NCAM2: variants seen among roughly 807,000 people sequenced by gnomAD.
NCAM2 encodes the protein neural cell adhesion molecule 2, also known as N-CAM-2.
In NCAM2, 30 loss-of-function variants were observed where a neutral mutation model predicts 98.1. The observed-to-expected ratio is 0.31, with a 90% CI of 0.23 to 0.41. The LOEUF is 0.41. NCAM2 is among the 10% of genes least tolerant of loss of function. The pLI is 1.00. For synonymous variants in NCAM2, 368 were observed against 342.4 expected (o/e 1.07, Z -0.83); for missense variants, 867 against 1,005.8 (o/e 0.86, Z 1.87).
intron 5 of NCAM2, among the ~76,000 whole-genome samples, chr21:21,298,594 GATA>G (rs2073581219): frequency 2.2e-5 from 1 of 46,434 alleles, no homozygotes; most frequent in Admixed American, 2.4e-4. Context: ...GATACAGATA[GATA>G]GATAGATAGA....
At chr21:21,014,117 G>A (rs940008609) in intron 1 of NCAM2, among the ~76,000 whole-genome samples, 1 of 152,174 alleles carries the variant, frequency 6.6e-6, no homozygotes, top group Non-Finnish European at 1.5e-5. Context: ...TGAAGGCAAT[G>A]CCCATTTGCT....
chr21:21,266,263 C>G (rs1302980215), intron 1 of NCAM2, among the ~76,000 whole-genome samples: 3 of 151,942 alleles, frequency 2.0e-5, no homozygotes, highest in Non-Finnish European at 4.4e-5. Flanking sequence ...TTTACTCATT[C>G]AACTAATTCA....
At chr21:21,217,162 A>G (rs1036219278) in intron 1 of NCAM2, among the ~76,000 whole-genome samples, 9 of 152,200 alleles carry the variant, frequency 5.9e-5, no homozygotes, top group Non-Finnish European at 1.3e-4. Flanking sequence ...CAGTCAGACA[A>G]GAAGTAAACA....
At chr21:21,234,440 A>G (rs1295245862) in intron 1 of NCAM2, among the ~76,000 whole-genome samples, 1 of 152,020 alleles carries the variant, frequency 6.6e-6, no homozygotes, top group East Asian at 1.9e-4. Flanking sequence ...ATACACTTAC[A>G]TTTTAATTAA....
At chr21:21,121,746 A>G (rs548030733) in intron 1 of NCAM2, among the ~76,000 whole-genome samples, 4 of 152,364 alleles carry the variant, frequency 2.6e-5, no homozygotes, top group African/African-American at 9.6e-5. Flanking sequence ...AAAAGGCTAT[A>G]TATAGGCTGA....
chr21:21,022,395 T>C (rs1029373057), intron 1 of NCAM2, among the ~76,000 whole-genome samples: 1 of 152,102 alleles, frequency 6.6e-6, no homozygotes, highest in Non-Finnish European at 1.5e-5. Context: ...ACTTTGTGTA[T>C]ATAATTTAGT....
intron 15 of NCAM2, among the ~76,000 whole-genome samples, chr21:21,498,023 G>C (rs1200827647): frequency 6.6e-6 from 1 of 152,024 alleles, no homozygotes; most frequent in Non-Finnish European, 1.5e-5. Context: ...TGGAAATTAT[G>C]TAAAATGATT....
chr21:21,003,129 A>G (rs1337575217), intron 1 of NCAM2, among the ~76,000 whole-genome samples: 1 of 152,132 alleles, frequency 6.6e-6, no homozygotes, highest in Non-Finnish European at 1.5e-5. Flanking sequence ...AGATATCAAC[A>G]TATTTCCTAG....
chr21:21,371,370 C>T (rs974231798), intron 8 of NCAM2, among the ~76,000 whole-genome samples: 8 of 151,628 alleles, frequency 5.3e-5, no homozygotes, highest in Non-Finnish European at 1.5e-5. Flanking sequence ...TTTACTTACT[C>T]GATAGAGAAA....
At chr21:21,219,709 T>TA (rs1331128603) in intron 1 of NCAM2, among the ~76,000 whole-genome samples, 1 of 152,180 alleles carries the variant, frequency 6.6e-6, no homozygotes, top group Admixed American at 6.5e-5. Context: ...TTCTACTTGT[T>TA]AAAAAAAGTT....
intron 6 of NCAM2, 149 bp downstream of exon 6, chr21:21,324,649 G>T (rs2074465878): frequency 3.3e-6 from 2 of 611,086 alleles, no homozygotes; most frequent in Admixed American, 2.7e-5. Flanking sequence ...GGGGCTTACG[G>T]TGGTTAGATT....
intron 1 of NCAM2, among the ~76,000 whole-genome samples, chr21:21,131,943 A>G (rs188648100): frequency 6.1e-4 from 93 of 152,352 alleles, no homozygotes; most frequent in African/African-American, 2.2e-3. Context: ...AATTGTCACA[A>G]AGCTTAAAAA....
intron 12 of NCAM2, among the ~76,000 whole-genome samples, chr21:21,462,822 G>C (rs1433728389): frequency 5.3e-5 from 8 of 152,144 alleles, no homozygotes; most frequent in African/African-American, 1.9e-4. Flanking sequence ...ATTCATGATT[G>C]TTTATAATTT....
intron 1 of NCAM2, among the ~76,000 whole-genome samples, chr21:21,132,647 T>C (rs2066960578): frequency 6.6e-6 from 1 of 152,290 alleles, no homozygotes; most frequent in Admixed American, 6.5e-5. Context: ...TACTAAAGAC[T>C]TTAAAGTAAA....
chr21:21,125,463 CAG>C lies in NCAM2; in HGVS notation c.55+126847_55+126848del, dbSNP rs1192676894. ...ATATAATGTATTACATATATAGAGA[CAG>C]ATATATATATCTATATATAGATATA... is the stretch of plus-strand genomic sequence containing the variant. On this transcript the variant is annotated intron_variant, in intron 1 of 17. Coordinates refer to ENST00000400546, the MANE Select transcript of NCAM2 (RefSeq NM_004540.5). Among the ~76,000 whole-genome samples, 6 of 5,014 alleles carry C rather than the reference CAG, an allele frequency of 1.2e-3. 1 individual carries two copies. Among genetic ancestry groups the C allele is most frequent in the African/African-American group, 2.4e-3 (5 of 2,048 alleles). 3.3% of individuals were successfully genotyped at this position (5,014 alleles called of 152,430 possible).
intron 1 of NCAM2, among the ~76,000 whole-genome samples, chr21:21,032,063 A>T (rs373442584): frequency 6.6e-6 from 1 of 152,188 alleles, no homozygotes; most frequent in Non-Finnish European, 1.5e-5. Flanking sequence ...ATCAGGCACC[A>T]CTATTATGCC....
At chr21:21,317,805 G>C (rs2074263769) in intron 5 of NCAM2, among the ~76,000 whole-genome samples, 1 of 152,086 alleles carries the variant, frequency 6.6e-6, no homozygotes, top group Non-Finnish European at 1.5e-5. Flanking sequence ...AGATCGCTGG[G>C]ATTACAGGTG....
chr21:21,355,340 G>A (rs529479837), intron 8 of NCAM2, among the ~76,000 whole-genome samples: 14 of 151,034 alleles, frequency 9.3e-5, no homozygotes, highest in South Asian at 4.2e-4. Context: ...GACGGGGCCG[G>A]GAAAAGGGGG....
At chr21:21,387,562 G>T (rs2076297184) in intron 9 of NCAM2, among the ~76,000 whole-genome samples, 1 of 152,004 alleles carries the variant, frequency 6.6e-6, no homozygotes, top group Non-Finnish European at 1.5e-5. Flanking sequence ...AGTATGATGT[G>T]ATCTCAGCCT....
Sources: gnomAD v4.1 joint callset for allele counts (sites outside exome capture counted in the v4.1 genomes callset) on GRCh38, gnomAD v4.1.1 for gene constraint, MANE v1.5 for transcripts, NCBI Gene and HGNC (gene_info 2026-07-23, HGNC 2026-07-21) for gene names.